GPX6: variants seen among roughly 807,000 people sequenced by gnomAD.
The protein encoded by GPX6 is glutathione peroxidase 6 (olfactory).
In GPX6, 21 loss-of-function variants were observed where a neutral mutation model predicts 20.0. The observed-to-expected ratio is 1.05, with a 90% CI of 0.74 to 1.51. The LOEUF (loss-of-function observed/expected upper bound fraction) is 1.51. Among genes scored for constraint, GPX6 ranks in the 40% most tolerant of loss-of-function variants. The pLI is 0.00. For missense variants in GPX6, 233 were observed against 254.7 expected, an observed-to-expected ratio of 0.91 and a Z score of 0.58; for synonymous variants, 75 against 98.0, an observed-to-expected ratio of 0.77 and a Z score of 1.38.
At chr6:28,512,806 T>C (rs1323690880) in intron 1 of GPX6, among the ~76,000 whole-genome samples, 1 of 151,754 alleles carries the variant, frequency 6.6e-6, no homozygotes, top group Admixed American at 6.6e-5. Flanking sequence ...CCGGGAGGAA[T>C]GAACAACTCC....
intron 1 of GPX6, among the ~76,000 whole-genome samples, chr6:28,513,065 A>G (rs1434965823): frequency 1.3e-5 from 2 of 152,220 alleles, no homozygotes; most frequent in East Asian, 1.9e-4. Flanking sequence ...CTGGAAGGCC[A>G]TTGACAGCGG....
At chr6:28,511,000 AT>A in intron 1 of GPX6, 96 bp from the exon 2 acceptor site, 1 of 1,049,786 alleles carries the variant, frequency 9.5e-7, no homozygotes, top group Non-Finnish European at 1.3e-6. Context: ...CCTTCATGTA[AT>A]ATCTTGAAAT....
At chr6:28,512,009 C>T (rs1343334484) in intron 1 of GPX6, among the ~76,000 whole-genome samples, 2 of 152,380 alleles carry the variant, frequency 1.3e-5, no homozygotes, top group East Asian at 1.9e-4. Context: ...CTCGCTGGGC[C>T]TTAGCTGCCA....
intron 2 of GPX6, 21 bp from the exon 3 acceptor site, chr6:28,506,450 G>C (rs1255355098): frequency 7.1e-7 from 1 of 1,412,610 alleles, no homozygotes; most frequent in East Asian, 2.3e-5. Flanking sequence ...ACAATGAATA[G>C]CAGGGGTGGG....
chr6:28,513,504 CT>C (rs1762958713), intron 1 of GPX6, among the ~76,000 whole-genome samples: 1 of 152,170 alleles, frequency 6.6e-6, no homozygotes, highest in South Asian at 2.1e-4. Flanking sequence ...GACAAGGGAA[CT>C]TTTCCGGTTT....
At chr6:28,504,537 T>C in intron 4 of GPX6, 39 bp from the exon 5 acceptor site, 3 of 1,536,054 alleles carry the variant, frequency 2.0e-6, no homozygotes, top group Non-Finnish European at 1.8e-6. Flanking sequence ...ATACATTTAT[T>C]TCTACTTTAT....
intron 1 of GPX6, 54 bp downstream of exon 1, chr6:28,515,603 C>G (rs1450645850): frequency 7.3e-7 from 1 of 1,377,372 alleles, no homozygotes; most frequent in Admixed American, 1.7e-5. Context: ...ACTCTGGCAG[C>G]CAGGTTGGTC....
At position 28,504,325 on chromosome 6, in the gene GPX6, G is replaced by A. The variant is rs1458723741; in HGVS notation, c.633C>T (p.Ile211=). The A allele has an allele frequency of 1.2e-6, 2 of 1,614,030 alleles. No individual in the cohort carries two copies. Among genetic ancestry groups the A allele is most frequent in the African/African-American group, 1.3e-5 (1 of 74,896 alleles). ...TATTGAACTGCTTTAGGTACTCCAG[G>A]ATGTCTGACTTGACTGTGCTGACTG... is the stretch of plus-strand genomic sequence containing the variant. ...QAPVSTVKSD[I]LEYLKQFNTH The change falls in exon 5 of 5, where the codon ATC becomes ATT. Residue 211 remains isoleucine, a synonymous_variant. Coordinates refer to ENST00000361902, the MANE Select transcript of GPX6 (RefSeq NM_182701.1).
intron 1 of GPX6, 119 bp downstream of exon 1, chr6:28,515,538 G>A (rs34626566): frequency 0.011 from 7,929 of 716,908 alleles, 81 homozygotes; most frequent in African/African-American, 0.038. Context: ...TTGTGAAGAA[G>A]GGCTGGGAAT....
At chr6:28,506,223 C>A in intron 3 of GPX6, 89 bp downstream of exon 3, 1 of 807,186 alleles carries the variant, frequency 1.2e-6, no homozygotes, top group Non-Finnish European at 2.2e-6. Flanking sequence ...TGGCCTATCC[C>A]AGAAGTTTCC....
chr6:28,505,197 G>C (rs931283302), intron 4 of GPX6, among the ~76,000 whole-genome samples: 2 of 152,042 alleles, frequency 1.3e-5, no homozygotes. Context: ...TTTTTCCCTT[G>C]TTTGCTGTGG....
intron 4 of GPX6, among the ~76,000 whole-genome samples, chr6:28,505,326 G>T (rs1202172719): frequency 6.6e-6 from 1 of 152,178 alleles, no homozygotes; most frequent in African/African-American, 2.4e-5. Context: ...ACCACTCTGT[G>T]ACTCTAAAAG....
chr6:28,510,803 G>T lies in GPX6; in HGVS notation c.189C>A (p.His63Gln). Residue 63 changes from histidine (H) to glutamine (Q), a missense_variant, in exon 2 of 5, where the codon CAC becomes CAA. His to Gln is a conservative substitution (Grantham distance 24, BLOSUM62 0). Transcript: ENST00000361902. ...AGGCGGCCACATTGACAAACAGGAC[G>T]TGCTTGCCTGCAAACTGCTTGAATT... ...YIQFKQFAGK[H>Q]VLFVNVAAYU... 6.2e-7 allele frequency: 1 copy of T among 1,614,108 alleles called. No homozygotes were observed.
intron 4 of GPX6, 65 bp from the exon 5 acceptor site, chr6:28,504,563 G>T: frequency 1.4e-6 from 2 of 1,425,692 alleles, no homozygotes; most frequent in South Asian, 1.2e-5. Context: ...CTTCTGTGTG[G>T]TACAGTTTTA....
intron 4 of GPX6, among the ~76,000 whole-genome samples, chr6:28,505,414 C>A: frequency 6.6e-6 from 1 of 152,180 alleles, no homozygotes; most frequent in East Asian, 1.9e-4. Flanking sequence ...ACAGACTATG[C>A]GCTATTAATG....
intron 1 of GPX6, among the ~76,000 whole-genome samples, chr6:28,514,470 G>C (rs1762988324): frequency 6.6e-6 from 1 of 152,174 alleles, no homozygotes; most frequent in Non-Finnish European, 1.5e-5. Context: ...ATGACCCTTG[G>C]AGGTTGTCCG....
intron 1 of GPX6, among the ~76,000 whole-genome samples, chr6:28,512,788 C>T (rs949027128): frequency 6.6e-6 from 1 of 152,120 alleles, no homozygotes; most frequent in Non-Finnish European, 1.5e-5. Context: ...AGCGAGACCA[C>T]GAACCCACCG....
intron 1 of GPX6, 66 bp downstream of exon 1, chr6:28,515,591 C>A: frequency 8.0e-7 from 1 of 1,243,126 alleles, no homozygotes; most frequent in South Asian, 1.2e-5. Flanking sequence ...GAACTCCTTG[C>A]AACTCTGGCA....
chr6:28,513,293 C>CA (rs1762945638), intron 1 of GPX6, among the ~76,000 whole-genome samples: 2 of 152,198 alleles, frequency 1.3e-5, no homozygotes, highest in Non-Finnish European at 2.9e-5. Context: ...CACAAGCTGC[C>CA]TATGGGTGGC....
Sources: gnomAD v4.1 joint callset for allele counts (sites outside exome capture counted in the v4.1 genomes callset) on GRCh38, gnomAD v4.1.1 for gene constraint, MANE v1.5 for transcripts, NCBI Gene and HGNC (gene_info 2026-07-23, HGNC 2026-07-21) for gene names.